The following BRD3 variants were observed in gnomAD, a reference collection of about 807,000 sequenced individuals.
BRD3 encodes the protein bromodomain containing 3.
BRD3 carries 17 observed loss-of-function variants against 66.8 expected under a neutral mutation model. The ratio of observed to expected loss-of-function variants is 0.25; its 90% CI spans 0.17 to 0.38. The LOEUF (loss-of-function observed/expected upper bound fraction) is 0.38, where lower values mean the gene tolerates loss of function less well. BRD3 is among the 10% of genes least tolerant of loss of function. BRD3 has a pLI of 1.00. For synonymous variants in BRD3, 421 were observed against 393.2 expected, an observed-to-expected ratio of 1.07 and a Z score of -0.84; for missense variants, 713 against 956.1, an observed-to-expected ratio of 0.75 and a Z score of 3.35.
At chr9:134,068,179 G>GC (rs1564564397), upstream of BRD3, 4 of 142,016 alleles carry the variant, frequency 2.8e-5, no homozygotes, top group East Asian at 2.2e-4. Flanking sequence ...GCCCCGCCCC[G>GC]GGGGCCCCCG....
At chr9:134,065,654 C>G (rs974400113) in intron 1 of BRD3, among the ~76,000 whole-genome samples, 7 of 152,200 alleles carry the variant, frequency 4.6e-5, no homozygotes, top group Non-Finnish European at 8.8e-5. Context: ...CGCCCCGGTA[C>G]CGTGTGTATC....
intron 4 of BRD3, 117 bp downstream of exon 4, chr9:134,051,445 G>C (rs1056013068): frequency 1.8e-6 from 2 of 1,131,756 alleles, no homozygotes; most frequent in Non-Finnish European, 2.4e-6. Context: ...CGGCACCCAC[G>C]AGCTCGTCAC....
At chr9:134,061,420 G>C (rs914939699) in intron 1 of BRD3, among the ~76,000 whole-genome samples, 6 of 152,232 alleles carry the variant, frequency 3.9e-5, no homozygotes, top group Admixed American at 3.9e-4. Flanking sequence ...AGCAGTGGCA[G>C]GGAGGGGCAG....
At chr9:134,053,936 C>T (rs1830358069) in intron 1 of BRD3, 1 of 187,170 alleles carries the variant, frequency 5.3e-6, no homozygotes, top group Non-Finnish European at 1.1e-5. Flanking sequence ...AGCCTTCTGC[C>T]CACCAACCAC....
At chr9:134,047,117 G>A (rs958060849) in intron 6 of BRD3, among the ~76,000 whole-genome samples, 24 of 152,228 alleles carry the variant, frequency 1.6e-4, no homozygotes, top group African/African-American at 5.1e-4. Flanking sequence ...ACTGTGCACC[G>A]GGCTCTGGGG....
intron 5 of BRD3, 32 bp downstream of exon 5, chr9:134,050,342 G>C: frequency 6.3e-7 from 1 of 1,593,066 alleles, no homozygotes; most frequent in Non-Finnish European, 8.6e-7. Flanking sequence ...CCGGGCTCAG[G>C]TGCCCCACCC....
In BRD3 at chr9:134,031,868, T is replaced by G; in HGVS notation, c.*1722A>C. The G allele has an allele frequency of 4.5e-6, 1 of 222,626 alleles. No individual in the cohort carries two copies. Among genetic ancestry groups the G allele is most frequent in the Non-Finnish European group, 9.0e-6 (1 of 111,252 alleles). 13.8% of individuals were successfully genotyped at this position (222,626 alleles called of 1,614,324 possible). ...CGTCTGCCTGGAGGCTCCCCCACGCTGAGGTCCGGGAGAATGCCTGGTTTC... is the reference window on the plus strand; with the variant it reads ...CGTCTGCCTGGAGGCTCCCCCACGCGGAGGTCCGGGAGAATGCCTGGTTTC... On this transcript the variant is annotated 3_prime_UTR_variant, in exon 12 of 12. Transcript: ENST00000303407.
intron 6 of BRD3, among the ~76,000 whole-genome samples, chr9:134,046,470 C>T (rs1396095307): frequency 4.6e-5 from 7 of 152,218 alleles, no homozygotes; most frequent in Non-Finnish European, 1.0e-4. Context: ...GGGTCCTAAC[C>T]CGCAGAGGGC....
intron 7 of BRD3, among the ~76,000 whole-genome samples, chr9:134,043,437 T>C (rs1195859991): frequency 6.6e-6 from 1 of 152,194 alleles, no homozygotes; most frequent in African/African-American, 2.4e-5. Flanking sequence ...CTCAGAAACC[T>C]GAATCCACAC....
chr9:134,053,070 G>A (rs375940432), intron 2 of BRD3, among the ~76,000 whole-genome samples, 195 bp downstream of exon 2: 33 of 152,338 alleles, frequency 2.2e-4, no homozygotes, highest in African/African-American at 7.9e-4. Context: ...ACCTGGGGCA[G>A]CCGCCCTCCA....
At chr9:134,050,945 G>T (rs933035318) in intron 4 of BRD3, among the ~76,000 whole-genome samples, 1 of 152,202 alleles carries the variant, frequency 6.6e-6, no homozygotes, top group African/African-American at 2.4e-5. Flanking sequence ...GACCAACGAT[G>T]TGGCCGTACT....
intron 1 of BRD3, among the ~76,000 whole-genome samples, chr9:134,066,971 A>G (rs1190525340): frequency 1.3e-5 from 2 of 152,216 alleles, no homozygotes; most frequent in African/African-American, 4.8e-5. Context: ...GGCCGCGCGA[A>G]GCCCCCATCC....
rs1371485028 is a variant in BRD3, at chr9:134,030,386, A to G, written c.*3204T>C. ...AGAAGGGTCCATGATTACCAGAAACATCAAAGAGTACTTTCTACCATTTTT... is the reference window on the plus strand; with the variant it reads ...AGAAGGGTCCATGATTACCAGAAACGTCAAAGAGTACTTTCTACCATTTTT... On this transcript the variant is annotated 3_prime_UTR_variant, in exon 12 of 12. Transcript: ENST00000303407. The G allele has an allele frequency of 1.1e-5, 2 of 181,322 alleles. No homozygotes were observed. The highest frequency in any genetic ancestry group is 2.4e-5 in the African/African-American group (1 of 41,628). 11.2% of individuals were successfully genotyped at this position (181,322 alleles called of 1,614,324 possible).
intron 8 of BRD3, among the ~76,000 whole-genome samples, chr9:134,041,476 C>G (rs887830247): frequency 4.9e-4 from 75 of 152,324 alleles, no homozygotes; most frequent in African/African-American, 1.8e-3. Flanking sequence ...CAGAGCAAGG[C>G]ACACATAACC....
At chr9:134,061,292 C>T (rs1181664805) in intron 1 of BRD3, among the ~76,000 whole-genome samples, 1 of 152,230 alleles carries the variant, frequency 6.6e-6, no homozygotes. Flanking sequence ...TGGCCTGGGC[C>T]CAGAGCAAAA....
Position 134,031,740 on chromosome 9 carries a change from C to T in BRD3, c.*1850G>A, listed in dbSNP as rs867017711. 41 of 210,950 alleles carry T rather than the reference C, an allele frequency of 1.9e-4. 1 individual carries two copies. Among genetic ancestry groups the T allele is most frequent in the Non-Finnish European group, 3.5e-4 (36 of 103,886 alleles). 13.1% of individuals were successfully genotyped at this position (210,950 alleles called of 1,614,324 possible). On this transcript the variant is annotated 3_prime_UTR_variant, in exon 12 of 12. Coordinates refer to ENST00000303407, the MANE Select transcript of BRD3 (RefSeq NM_007371.4). ...AATTTTATGGTTGTTTTAAAATCAC[C>T]GTGTATTAGGATACTAATGATAGTC... is the stretch of plus-strand genomic sequence containing the variant.
Position 134,042,722 on chromosome 9 carries a change from C to T in BRD3, c.1216-771G>A, listed in dbSNP as rs1260710202. ...ACACACATATATATACACATATATA[C>T]ACATATATATACACACATATATACA... On this transcript the variant is annotated intron_variant, in intron 7 of 11. Transcript: ENST00000303407. Among the ~76,000 whole-genome samples, 3 of 147,612 alleles carry T rather than the reference C, an allele frequency of 2.0e-5. No homozygotes were observed. In the East Asian group the frequency reaches 6.1e-4, roughly 30 times the overall value.
intron 1 of BRD3, chr9:134,058,406 A>G (rs1830469652): frequency 6.6e-6 from 1 of 152,340 alleles, no homozygotes; most frequent in Non-Finnish European, 1.5e-5. Flanking sequence ...AGTGTTGGAC[A>G]TTCAGAACAT....
chr9:134,031,720 T>C lies in BRD3; in HGVS notation c.*1870A>G, dbSNP rs1843514744. On this transcript the variant is annotated 3_prime_UTR_variant, in exon 12 of 12. Transcript: ENST00000303407. Reference sequence around the variant, plus strand: ...GGGTCAGTGGACTCTGAATCAATTTTATGGTTGTTTTAAAATCACCGTGTA... The same window carrying C: ...GGGTCAGTGGACTCTGAATCAATTTCATGGTTGTTTTAAAATCACCGTGTA... The C allele has an allele frequency of 4.7e-6, 1 of 211,276 alleles. No individual in the cohort carries two copies. The highest frequency in any genetic ancestry group is 2.3e-5 in the African/African-American group (1 of 44,048). The allele number at this position is 211,276 out of a possible 1,614,324, so 13.1% of individuals were successfully genotyped here.
Sources: allele counts gnomAD v4.1 joint callset (sites outside exome capture counted in the v4.1 genomes callset), GRCh38; gene constraint gnomAD v4.1.1; transcripts MANE v1.5; gene names NCBI Gene and HGNC (gene_info 2026-07-23, HGNC 2026-07-21).